Variants in FANCD2OS observed in about 807,000 individuals in gnomAD.
FANCD2OS encodes the protein FANCD2 opposite strand protein.
A neutral mutation model predicts 13.2 loss-of-function variants in FANCD2OS; 11 were observed. The ratio of observed to expected loss-of-function variants is 0.83; its 90% CI spans 0.52 to 1.38. FANCD2OS has a LOEUF of 1.38. Among genes scored for constraint, FANCD2OS ranks in the 40% most tolerant of loss-of-function variants. The pLI is 0.00. For missense variants in FANCD2OS, 217 were observed against 213.9 expected (o/e 1.01, Z -0.09); for synonymous variants, 69 against 84.5 (o/e 0.82, Z 1.01).
intron 2 of FANCD2OS, among the ~76,000 whole-genome samples, chr3:10,083,988 T>TC (rs1234398020): frequency 6.6e-6 from 1 of 151,654 alleles, no homozygotes; most frequent in Non-Finnish European, 1.5e-5. Context: ...TAAACTTGTT[T>TC]CCCATGCTTT....
At chr3:10,083,401 C>T (rs1321677975) in intron 2 of FANCD2OS, 1 of 152,324 alleles carries the variant, frequency 6.6e-6, no homozygotes, top group East Asian at 1.9e-4. Context: ...AGCATAGCTA[C>T]ATCAAAAAGA....
chr3:10,094,869 A>G (rs1694859186), intron 2 of FANCD2OS: 3 of 390,260 alleles, frequency 7.7e-6, no homozygotes, highest in East Asian at 5.4e-5. Flanking sequence ...TACTCACCAT[A>G]TTTGGTTGGT....
intron 2 of FANCD2OS, among the ~76,000 whole-genome samples, chr3:10,084,209 G>C (rs1047335739): frequency 1.3e-5 from 2 of 150,566 alleles, no homozygotes; most frequent in Admixed American, 1.3e-4. Flanking sequence ...GGCCAGGCTG[G>C]TCTTGAACTC....
At chr3:10,098,819 T>C, downstream of FANCD2OS, 1 of 1,614,178 alleles carries the variant, frequency 6.2e-7, no homozygotes, top group East Asian at 2.2e-5. Context: ...CACTGAGGTA[T>C]CTCTACAAAA....
intron 2 of FANCD2OS, among the ~76,000 whole-genome samples, chr3:10,089,435 C>T (rs1245143125): frequency 6.6e-6 from 1 of 152,088 alleles, no homozygotes; most frequent in African/African-American, 2.4e-5. Context: ...CAAGGGCTCT[C>T]AGCTAATATA....
intron 2 of FANCD2OS, among the ~76,000 whole-genome samples, chr3:10,084,579 C>T (rs944059634): frequency 2.0e-5 from 3 of 152,106 alleles, no homozygotes; most frequent in Admixed American, 6.6e-5. Context: ...GCATTAGAGG[C>T]GTGAGCCACC....
intron 1 of FANCD2OS, among the ~76,000 whole-genome samples, chr3:10,105,704 T>C (rs1210712939): frequency 1.5e-5 from 2 of 130,986 alleles, no homozygotes; most frequent in Non-Finnish European, 3.1e-5. Flanking sequence ...TGAGTCAAGA[T>C]CGCACCACTG....
intron 1 of FANCD2OS, among the ~76,000 whole-genome samples, chr3:10,107,007 C>T (rs1382118224): frequency 6.6e-6 from 1 of 152,228 alleles, no homozygotes; most frequent in Non-Finnish European, 1.5e-5. Flanking sequence ...GTATGTTTCT[C>T]ATGATCTATG....
intron 2 of FANCD2OS, among the ~76,000 whole-genome samples, chr3:10,085,115 T>A (rs1418437251): frequency 6.6e-6 from 1 of 152,170 alleles, no homozygotes; most frequent in Admixed American, 6.6e-5. Flanking sequence ...GGACATTGAT[T>A]TAGCAGTTTG....
intron 2 of FANCD2OS, chr3:10,090,202 G>C: frequency 1.1e-6 from 1 of 887,390 alleles, no homozygotes; most frequent in East Asian, 2.5e-5. Flanking sequence ...GAGAGGTAGG[G>C]AAGGAAGCTA....
chr3:10,104,922 G>A (rs180710678), intron 1 of FANCD2OS, 140 bp from the exon 2 acceptor site: 4 of 509,962 alleles, frequency 7.8e-6, no homozygotes, highest in Admixed American at 3.9e-5. Flanking sequence ...CAGGTGTTAG[G>A]ATATTAGTAA....
chr3:10,098,762 G>T (rs1356716828), downstream of FANCD2OS: 2 of 1,614,066 alleles, frequency 1.2e-6, no homozygotes, highest in African/African-American at 2.7e-5. Flanking sequence ...GAGCACAGCA[G>T]ATGAGAGTGA....
At chr3:10,099,300 G>A (rs769913433), downstream of FANCD2OS, 36 of 1,236,806 alleles carry the variant, frequency 2.9e-5, no homozygotes, top group Non-Finnish European at 3.3e-5. Flanking sequence ...TGGTACAGAT[G>A]CTTTCGACAA....
chr3:10,089,577 C>T (rs1403540999), intron 2 of FANCD2OS, among the ~76,000 whole-genome samples: 1 of 152,114 alleles, frequency 6.6e-6, no homozygotes. Context: ...TCAAACGATT[C>T]TCCTACCCCA....
chr3:10,098,748 A>G (rs746871581), downstream of FANCD2OS: 1 of 1,614,086 alleles, frequency 6.2e-7, no homozygotes, highest in African/African-American at 1.3e-5. Context: ...CAAAATTCCC[A>G]GGAGAGCACA....
Position 10,090,228 on chromosome 3 carries a change from T to C in FANCD2OS, c.*44-8697A>G. On this transcript the variant is annotated intron_variant, in intron 2 of 2. Coordinates refer to the FANCD2OS transcript ENST00000524279. ...AAGGAAGCTACTTTTGGTTCCTGGTTCTTCCCAGGTAGTTCTAAGCAGTGC... is the reference window on the plus strand; with the variant it reads ...AAGGAAGCTACTTTTGGTTCCTGGTCCTTCCCAGGTAGTTCTAAGCAGTGC... 3 of 1,238,108 alleles carry C rather than the reference T, an allele frequency of 2.4e-6. No homozygotes were observed. The South Asian group carries it at 3.6e-5, about 15-fold the overall frequency. The allele number at this position is 1,238,108 out of a possible 1,614,324, so 76.7% of individuals were successfully genotyped here. A position where few individuals can be genotyped will look rare whatever the true frequency, so the allele number is the denominator to read the frequency against.
chr3:10,105,811 T>A (rs1695481462), intron 1 of FANCD2OS, among the ~76,000 whole-genome samples: 2 of 79,290 alleles, frequency 2.5e-5, no homozygotes, highest in African/African-American at 1.2e-4. Flanking sequence ...TATATATATA[T>A]ATATATATAT....
intron 2 of FANCD2OS, among the ~76,000 whole-genome samples, chr3:10,093,569 A>G (rs955791153): frequency 2.6e-5 from 4 of 152,222 alleles, no homozygotes; most frequent in Non-Finnish European, 4.4e-5. Context: ...GCTTCAGGGC[A>G]GTTGAGTTTA....
intron 2 of FANCD2OS, among the ~76,000 whole-genome samples, chr3:10,085,188 G>A (rs540237555): frequency 1.6e-4 from 24 of 152,138 alleles, no homozygotes; most frequent in Non-Finnish European, 2.6e-4. Context: ...GAATGAAGGA[G>A]AGCTTTTTGC....
Sources: gnomAD v4.1 joint callset for allele counts (sites outside exome capture counted in the v4.1 genomes callset) on GRCh38, gnomAD v4.1.1 for gene constraint, MANE v1.5 for transcripts, NCBI Gene and HGNC (gene_info 2026-07-23, HGNC 2026-07-21) for gene names.